DYNC1H1: variants seen among roughly 807,000 people sequenced by gnomAD.
DYNC1H1 encodes the protein dynein cytoplasmic 1 heavy chain 1, also known as cytoplasmic dynein 1 heavy chain 1.
Under a neutral mutation model 527.1 loss-of-function variants are expected in DYNC1H1, and 51 were observed. That is an observed-to-expected ratio of 0.10 (90% CI 0.08 to 0.12). The LOEUF (loss-of-function observed/expected upper bound fraction) is 0.12, where lower values mean the gene tolerates loss of function less well. Among genes scored for constraint, DYNC1H1 ranks in the 10% least tolerant of loss-of-function variants. The pLI is 1.00. For synonymous variants in DYNC1H1, 2,189 were observed against 2,278.8 expected, an observed-to-expected ratio of 0.96 and a Z score of 1.12; for missense variants, 2,771 against 5,971.8, an observed-to-expected ratio of 0.46 and a Z score of 17.66.
In DYNC1H1 at chr14:102,005,365, A is replaced by T; in HGVS notation, c.5433+129A>T. ...GGAGAACAGTGGATGGTGTATGGAT[A>T]TCCTCTGAGGGTGGGCATTTGGCTC... On this transcript the variant is annotated intron_variant, in intron 26 of 77. Coordinates refer to ENST00000360184, the MANE Select transcript of DYNC1H1 (RefSeq NM_001376.5). The surrounding 1 kb of genome is among the most constrained non-coding windows in gnomAD (Gnocchi z 4.0). The T allele has an allele frequency of 3.1e-6, 4 of 1,295,816 alleles. No individual in the cohort carries two copies. Among genetic ancestry groups the T allele is most frequent in the Non-Finnish European group, 4.4e-6 (4 of 904,684 alleles). The allele number at this position is 1,295,816 out of a possible 1,614,324, so 80.3% of individuals were successfully genotyped here.
At chr14:102,047,212 G>A (rs2048731206) in intron 72 of DYNC1H1, among the ~76,000 whole-genome samples, 1 of 152,114 alleles carries the variant, frequency 6.6e-6, no homozygotes, top group Admixed American at 6.5e-5. Flanking sequence ...TTAGCTTTCT[G>A]GTCAGGCCAT....
Position 102,018,710 on chromosome 14 carries a change from C to A in DYNC1H1, c.8343+94C>A. The A allele has an allele frequency of 1.3e-6, 2 of 1,530,588 alleles. No homozygotes were observed. The highest frequency in any genetic ancestry group is 4.8e-5 in the East Asian group (2 of 41,918). The allele number at this position is 1,530,588 out of a possible 1,614,324, so 94.8% of individuals were successfully genotyped here. A position where few individuals can be genotyped will look rare whatever the true frequency, so the allele number is the denominator to read the frequency against. On this transcript the variant is annotated intron_variant, in intron 41 of 77. Coordinates refer to ENST00000360184, the MANE Select transcript of DYNC1H1 (RefSeq NM_001376.5). The surrounding 1 kb of genome is among the most constrained non-coding windows in gnomAD (Gnocchi z 5.2). ...GTGTGGTGGTTCACACCTGTAATCC[C>A]AGCATTTTGGGAGGCCAAGGTGGGT...
chr14:102,051,020 G>T lies in DYNC1H1; in HGVS notation c.*457G>T, dbSNP rs1269340119. ...AAGGCCCTGGGGCCCGGGCACCATG[G>T]TTCACACCTTTAATCGCAGCACTTT... On this transcript the variant is annotated 3_prime_UTR_variant, in exon 78 of 78. Transcript: ENST00000360184. 2 of 266,018 alleles carry T rather than the reference G, an allele frequency of 7.5e-6. No homozygotes were observed. Among genetic ancestry groups the T allele is most frequent in the Non-Finnish European group, 1.5e-5 (2 of 136,790 alleles). The allele number at this position is 266,018 out of a possible 1,614,324, so 16.5% of individuals were successfully genotyped here. A position where few individuals can be genotyped will look rare whatever the true frequency, so the allele number is the denominator to read the frequency against.
Position 102,049,918 on chromosome 14 carries a change from C to A in DYNC1H1, c.13684+36C>A. 6.4e-7 allele frequency: 1 copy of A among 1,561,484 alleles called. No individual in the cohort carries two copies. Among genetic ancestry groups the A allele is most frequent in the Non-Finnish European group, 8.6e-7 (1 of 1,164,212 alleles). On this transcript the variant is annotated intron_variant, in intron 76 of 77. Coordinates refer to ENST00000360184, the MANE Select transcript of DYNC1H1 (RefSeq NM_001376.5). This position sits in a 1 kb window ranked among gnomAD's most constrained non-coding sequence, Gnocchi z 5.5. ...TCTCACAGAAAATACTGGCTCTTTG[C>A]AGGTGACCTCGGTGGCCTGAGACCA...
intron 55 of DYNC1H1, 45 bp from the exon 56 acceptor site, chr14:102,034,280 T>C (rs1416200402): frequency 1.2e-6 from 2 of 1,614,084 alleles, no homozygotes; most frequent in Non-Finnish European, 1.7e-6. Flanking sequence ...AACAGTCCCA[T>C]CTGTGGCTGT....
rs542688017 is a variant in DYNC1H1 at position 102,010,255 on chromosome 14, C to A, written c.6222-21C>A. On this transcript the variant is annotated intron_variant, in intron 30 of 77. Transcript: ENST00000360184. This position sits in a 1 kb window ranked among gnomAD's most constrained non-coding sequence, Gnocchi z 6.0. ...TAAAGTATACTGTTATTAAAGATAG[C>A]CTTTTTTTCTTCTTTTCTAGACTAT... 19 of 1,613,724 alleles carry A rather than the reference C, an allele frequency of 1.2e-5. No individual in the cohort carries two copies. The South Asian group carries it at 2.0e-4, about 17-fold the overall frequency.
At chr14:101,969,106 C>T (rs1002141917) in intron 1 of DYNC1H1, among the ~76,000 whole-genome samples, 3 of 152,084 alleles carry the variant, frequency 2.0e-5, no homozygotes, top group African/African-American at 7.2e-5. Flanking sequence ...AAAGCTCCGC[C>T]TCCCGGGTTC....
At chr14:101,988,117 C>G (rs1483587520) in intron 9 of DYNC1H1, among the ~76,000 whole-genome samples, 2 of 152,152 alleles carry the variant, frequency 1.3e-5, no homozygotes. Flanking sequence ...TGTCAGTACT[C>G]ACATCAAGTT....
In DYNC1H1 at chr14:102,052,911, T is replaced by C. The variant is rs888184678; in HGVS notation, c.*2348T>C. The C allele has an allele frequency of 6.6e-6, 1 of 152,200 alleles. No individual in the cohort carries two copies. The highest frequency in any genetic ancestry group is 6.5e-5 in the Admixed American group (1 of 15,272). 9.4% of individuals were successfully genotyped at this position (152,200 alleles called of 1,614,324 possible). ...GACTTCAGTGTGTAGGAAGCCACCT[T>C]ACAGCTCATGTCACCCAGAGAACAG... On this transcript the variant is annotated 3_prime_UTR_variant, in exon 78 of 78. Transcript: ENST00000360184.
rs2048777280 is a variant in DYNC1H1, at chr14:102,049,668, A to G, written c.13516-46A>G. 1 of 1,613,526 alleles carries G rather than the reference A, an allele frequency of 6.2e-7. No homozygotes were observed. Among genetic ancestry groups the G allele is most frequent in the Non-Finnish European group, 8.5e-7 (1 of 1,180,024 alleles). On this transcript the variant is annotated intron_variant, in intron 75 of 77. Coordinates refer to ENST00000360184, the MANE Select transcript of DYNC1H1 (RefSeq NM_001376.5). This position sits in a 1 kb window ranked among gnomAD's most constrained non-coding sequence, Gnocchi z 5.5. ...GGCTCTGGGGAAAAACACAGGGCCC[A>G]GGTCTGACCTGAGCTCCTTCCCCTG...
chr14:101,970,583 A>G (rs1034356835), intron 1 of DYNC1H1, among the ~76,000 whole-genome samples: 1 of 145,188 alleles, frequency 6.9e-6, no homozygotes, highest in Non-Finnish European at 1.5e-5. Context: ...CCTGGGTTCA[A>G]GTGATTCTCC....
Position 102,047,833 on chromosome 14 carries a change from T to C in DYNC1H1, c.13023T>C (p.Ser4341=), listed in dbSNP as rs778764233. The C allele has an allele frequency of 1.2e-6, 2 of 1,613,244 alleles. No homozygotes were observed. Among genetic ancestry groups the C allele is most frequent in the East Asian group, 4.5e-5 (2 of 44,856 alleles). ...GTGGCCCAGGTGTGGACATGATCAGTAAAATGCTGAAGATGCAGATGTTGG... is the reference window on the plus strand; with the variant it reads ...GTGGCCCAGGTGTGGACATGATCAGCAAAATGCTGAAGATGCAGATGTTGG... The part of the protein sequence containing the change: ...LLTTQGVDMI[S]KMLKMQMLED... Residue 4341 remains serine (S), a synonymous_variant, in exon 73 of 78, where the codon AGT becomes AGC. Coordinates refer to ENST00000360184, the MANE Select transcript of DYNC1H1 (RefSeq NM_001376.5).
rs1314273807 is a variant in DYNC1H1 at position 102,017,995 on chromosome 14, A to G, written c.8178-456A>G. The G allele has an allele frequency of 3.8e-6, 1 of 265,672 alleles. No individual in the cohort carries two copies. The highest frequency in any genetic ancestry group is 9.9e-5 in the East Asian group (1 of 10,088). 16.5% of individuals were successfully genotyped at this position (265,672 alleles called of 1,614,324 possible). A position where few individuals can be genotyped will look rare whatever the true frequency, so the allele number is the denominator to read the frequency against. ...GTGGCAGGTGCCTGTAGTCCCAGCT[A>G]CTTGGGAGGCTGAGGCAGCAGAATG... is the stretch of plus-strand genomic sequence containing the variant. On this transcript the variant is annotated intron_variant, in intron 40 of 77. Transcript: ENST00000360184. This position sits in a 1 kb window ranked among gnomAD's most constrained non-coding sequence, Gnocchi z 4.6.
chr14:102,027,564 C>G lies in DYNC1H1; in HGVS notation c.9048+20C>G. 3.1e-6 allele frequency: 5 copies of G among 1,614,146 alleles called. No homozygotes were observed. Among genetic ancestry groups the G allele is most frequent in the Non-Finnish European group, 3.4e-6 (4 of 1,180,038 alleles). ...GGAGAGGTAATTAGGTGACGTGTTG[C>G]GTTGCATTACGTGTTACCGGGGGAC... On this transcript the variant is annotated intron_variant, in intron 46 of 77. Transcript: ENST00000360184. This position sits in a 1 kb window ranked among gnomAD's most constrained non-coding sequence, Gnocchi z 7.7.
At chr14:101,984,433 A>C (rs7153200) in intron 7 of DYNC1H1, among the ~76,000 whole-genome samples, 1 of 100,654 alleles carries the variant, frequency 9.9e-6, no homozygotes, top group Non-Finnish European at 1.9e-5. Context: ...GTGTGTGTGT[A>C]TATATATATA....
At position 102,004,649 on chromosome 14, in the gene DYNC1H1, T is replaced by C. The variant is rs1316787179; in HGVS notation, c.5015T>C (p.Val1672Ala). ...SSIILNEDNS[V>A]VLGISSREGE... Reference sequence around the variant, plus strand: ...ATCATCCTGAACGAGGATAACTCTGTTGTTTTGGGTATTTCATCTCGGGAA... The same window carrying C: ...ATCATCCTGAACGAGGATAACTCTGCTGTTTTGGGTATTTCATCTCGGGAA... The change falls in exon 24 of 78, where the codon GTT (valine) becomes GCT (alanine). Residue 1672 changes from valine (V) to alanine (A), a missense_variant. Val to Ala is a moderately conservative substitution (Grantham distance 64). Around this residue, in one of 32 missense-constraint regions of DYNC1H1, gnomAD observed 105 missense variants for 138.1 expected, o/e 0.76. Coordinates refer to ENST00000360184, the MANE Select transcript of DYNC1H1 (RefSeq NM_001376.5). 4 of 1,614,218 alleles carry C rather than the reference T, an allele frequency of 2.5e-6. No homozygotes were observed. Among genetic ancestry groups the C allele is most frequent in the Non-Finnish European group, 3.4e-6 (4 of 1,180,048 alleles).
In DYNC1H1 at chr14:102,042,551, C is replaced by T. The variant is rs1290843878; in HGVS notation, c.12399+44C>T. 1 of 1,613,732 alleles carries T rather than the reference C, an allele frequency of 6.2e-7. No individual in the cohort carries two copies. The highest frequency in any genetic ancestry group is 1.7e-5 in the Admixed American group (1 of 60,004). On this transcript the variant is annotated intron_variant, in intron 68 of 77. Transcript: ENST00000360184. This position sits in a 1 kb window ranked among gnomAD's most constrained non-coding sequence, Gnocchi z 5.7. Reference sequence around the variant, plus strand: ...GGAGACGTTGCAGGCTGGCCTGGCACTGTGCTGTCGGCACGTGTGTGGTGG... The same window carrying T: ...GGAGACGTTGCAGGCTGGCCTGGCATTGTGCTGTCGGCACGTGTGTGGTGG...
intron 1 of DYNC1H1, among the ~76,000 whole-genome samples, chr14:101,966,241 G>T (rs928584730): frequency 6.6e-6 from 1 of 152,068 alleles, no homozygotes; most frequent in Admixed American, 6.6e-5. Context: ...CTGTAGCCTT[G>T]GTTTCCTGCC....
At position 102,018,341 on chromosome 14, in the gene DYNC1H1, A is replaced by C; in HGVS notation, c.8178-110A>C. ...GATGTCAAGTCTGCATAGCTGGGTTAGGAAGCGACCTCCAGACAGGGCCCT... is the reference window on the plus strand; with the variant it reads ...GATGTCAAGTCTGCATAGCTGGGTTCGGAAGCGACCTCCAGACAGGGCCCT... On this transcript the variant is annotated intron_variant, in intron 40 of 77. Transcript: ENST00000360184. This position sits in a 1 kb window ranked among gnomAD's most constrained non-coding sequence, Gnocchi z 5.2. 6.7e-7 allele frequency: 1 copy of C among 1,483,606 alleles called. No homozygotes were observed. The highest frequency in any genetic ancestry group is 9.1e-7 in the Non-Finnish European group (1 of 1,101,742). 91.9% of individuals were successfully genotyped at this position (1,483,606 alleles called of 1,614,324 possible).
Sources: allele counts gnomAD v4.1 joint callset (sites outside exome capture counted in the v4.1 genomes callset), GRCh38; gene constraint gnomAD v4.1.1; regional missense constraint gnomAD v4.1.1; non-coding constraint Gnocchi (gnomAD v3.1); transcripts MANE v1.5; gene names NCBI Gene and HGNC (gene_info 2026-07-23, HGNC 2026-07-21).